The following VPS13A variants were observed in gnomAD, a reference collection of about 807,000 sequenced individuals.
The protein encoded by VPS13A is intermembrane lipid transfer protein VPS13A.
A neutral mutation model predicts 390.9 loss-of-function variants in VPS13A; 264 were observed. The ratio of observed to expected loss-of-function variants is 0.68; its 90% CI spans 0.61 to 0.75. The LOEUF (loss-of-function observed/expected upper bound fraction) is 0.75, where lower values mean the gene tolerates loss of function less well. Ranked by LOEUF, VPS13A falls within the 30% of genes least tolerant of loss-of-function variation. The pLI, the probability that VPS13A is intolerant of heterozygous loss-of-function variation, is 0.00. For missense variants in VPS13A, 3,409 were observed against 3,733.9 expected (o/e 0.91, Z 2.27); for synonymous variants, 1,231 against 1,227.1 (o/e 1.00, Z -0.07).
intron 22 of VPS13A, among the ~76,000 whole-genome samples, chr9:77,258,851 G>T (rs980750522): frequency 1.3e-4 from 20 of 152,034 alleles, no homozygotes; most frequent in African/African-American, 4.6e-4. Context: ...TTCTTGGTAA[G>T]TATGCTATAA....
At chr9:77,278,696 T>C (rs1411539899) in intron 26 of VPS13A, among the ~76,000 whole-genome samples, 1 of 152,214 alleles carries the variant, frequency 6.6e-6, no homozygotes, top group Non-Finnish European at 1.5e-5. Flanking sequence ...GGCATTTTTT[T>C]CTCAGGAATT....
At position 77,351,414 on chromosome 9, in the gene VPS13A, A is replaced by G. The variant is rs1831458800; in HGVS notation, c.7387A>G (p.Arg2463Gly). The G allele has an allele frequency of 1.9e-6, 3 of 1,613,872 alleles. No individual in the cohort carries two copies. Among genetic ancestry groups the G allele is most frequent in the East Asian group, 2.2e-5 (1 of 44,864 alleles). The change falls in exon 53 of 72, where the codon AGA (arginine) becomes GGA (glycine). Residue 2463 changes from arginine (R) to glycine (G), a missense_variant. Arg to Gly is a moderately radical substitution (Grantham distance 125, BLOSUM62 -2). This residue lies in a region of VPS13A where 2,717 missense variants were observed against 2,917.4 expected (regional missense o/e 0.93). Coordinates refer to ENST00000360280, the MANE Select transcript of VPS13A (RefSeq NM_033305.3). ...VGSRRLKWRC[R>G]KSHGEVTQKD... is the part of the protein sequence containing the mutation. ...CTCTAGAAGGCTGAAGTGGAGATGTAGAAAAAGCCATGGTGAAGTAACACA... is the reference window on the plus strand; with the variant it reads ...CTCTAGAAGGCTGAAGTGGAGATGTGGAAAAAGCCATGGTGAAGTAACACA...
intron 1 of VPS13A, among the ~76,000 whole-genome samples, chr9:77,182,437 C>T (rs1437799658): frequency 1.3e-5 from 2 of 151,802 alleles, no homozygotes; most frequent in African/African-American, 4.9e-5. Flanking sequence ...TCAGAATCAG[C>T]CATAGGTGCT....
intron 1 of VPS13A, among the ~76,000 whole-genome samples, chr9:77,181,477 T>G (rs1824011975): frequency 1.3e-5 from 2 of 148,570 alleles, no homozygotes; most frequent in South Asian, 4.2e-4. Context: ...GATCACACCA[T>G]TGCCCTCTAG....
intron 71 of VPS13A, among the ~76,000 whole-genome samples, chr9:77,410,988 C>T (rs1006981235): frequency 3.9e-5 from 6 of 152,180 alleles, no homozygotes; most frequent in Non-Finnish European, 7.3e-5. Flanking sequence ...AATATACATT[C>T]TTTTCAGCAC....
chr9:77,374,453 G>A (rs1832965331), intron 67 of VPS13A, among the ~76,000 whole-genome samples: 1 of 152,166 alleles, frequency 6.6e-6, no homozygotes, highest in Admixed American at 6.5e-5. Flanking sequence ...GATGTATAAA[G>A]CATGGATATG....
chr9:77,365,667 T>A, intron 60 of VPS13A, 94 bp downstream of exon 60: 1 of 751,438 alleles, frequency 1.3e-6, no homozygotes, highest in Non-Finnish European at 2.3e-6. Flanking sequence ...ATATAAAATC[T>A]GTAAATATAC....
intron 23 of VPS13A, among the ~76,000 whole-genome samples, chr9:77,260,512 C>T (rs971658200): frequency 9.2e-5 from 14 of 151,814 alleles, no homozygotes; most frequent in East Asian, 1.9e-4. Flanking sequence ...CCCGCCACCA[C>T]GCCCGGCTAA....
intron 42 of VPS13A, among the ~76,000 whole-genome samples, 179 bp from the exon 43 acceptor site, chr9:77,320,990 A>G (rs1167966447): frequency 1.3e-5 from 2 of 152,014 alleles, no homozygotes; most frequent in Non-Finnish European, 2.9e-5. Context: ...TTTCTCTAAT[A>G]CTTCTGTCCT....
intron 24 of VPS13A, among the ~76,000 whole-genome samples, chr9:77,274,537 G>GT (rs1309532387): frequency 1.3e-5 from 2 of 151,274 alleles, no homozygotes; most frequent in Admixed American, 6.6e-5. Flanking sequence ...TTTCTAATGT[G>GT]TTTTTTAGTT....
intron 47 of VPS13A, chr9:77,338,278 A>G (rs368105974): frequency 1.3e-5 from 2 of 152,156 alleles, no homozygotes; most frequent in African/African-American, 4.8e-5. Flanking sequence ...AGCCGTTTAC[A>G]CTTTTCTGAT....
intron 54 of VPS13A, among the ~76,000 whole-genome samples, chr9:77,356,287 CT>C (rs1468621387): frequency 6.6e-6 from 1 of 152,154 alleles, no homozygotes; most frequent in Non-Finnish European, 1.5e-5. Context: ...CAAAATCTCA[CT>C]TTCTCAATGA....
At chr9:77,380,904 G>A (rs1833392910) in intron 67 of VPS13A, among the ~76,000 whole-genome samples, 1 of 152,194 alleles carries the variant, frequency 6.6e-6, no homozygotes, top group Non-Finnish European at 1.5e-5. Context: ...ACAGGAGGTG[G>A]AGCTCAGGCA....
At chr9:77,275,739 C>A in intron 25 of VPS13A, 87 bp downstream of exon 25, 1 of 1,436,062 alleles carries the variant, frequency 7.0e-7, no homozygotes, top group Non-Finnish European at 9.7e-7. Flanking sequence ...TGTTAAGAAG[C>A]ACTATCTTTT....
rs1189940426 is a variant in VPS13A at position 77,201,243 on chromosome 9, A to G, written c.145-122A>G. On this transcript the variant is annotated intron_variant, in intron 2 of 71. Coordinates refer to ENST00000360280, the MANE Select transcript of VPS13A (RefSeq NM_033305.3). ...TATATTTAAATAAATGTTGATGATA[A>G]GGAAATGTGTAAGTTTATTAAAAAA... 4 of 662,626 alleles carry G rather than the reference A, an allele frequency of 6.0e-6. No homozygotes were observed. The Admixed American group carries it at 1.1e-4, about 17-fold the overall frequency. The allele number at this position is 662,626 out of a possible 1,614,324, so 41.0% of individuals were successfully genotyped here.
intron 38 of VPS13A, 35 bp from the exon 39 acceptor site, chr9:77,316,139 T>C: frequency 8.0e-7 from 1 of 1,254,110 alleles, no homozygotes; most frequent in Non-Finnish European, 1.1e-6. Context: ...TCATAATATA[T>C]AGCAAATATT....
intron 48 of VPS13A, 39 bp downstream of exon 48, chr9:77,339,950 T>C: frequency 6.3e-7 from 1 of 1,594,504 alleles, no homozygotes; most frequent in Non-Finnish European, 8.5e-7. Flanking sequence ...TGTCTTTAGC[T>C]ACTTGTCACT....
At chr9:77,393,623 A>G (rs1254778300) in intron 68 of VPS13A, among the ~76,000 whole-genome samples, 1 of 152,230 alleles carries the variant, frequency 6.6e-6, no homozygotes, top group African/African-American at 2.4e-5. Context: ...AAATGACATT[A>G]ATCTCGTACA....
intron 71 of VPS13A, among the ~76,000 whole-genome samples, chr9:77,411,820 A>G (rs1049575422): frequency 6.6e-6 from 1 of 152,006 alleles, no homozygotes; most frequent in African/African-American, 2.4e-5. Context: ...TTTTTTGAAA[A>G]TATCAACAAA....
Sources: gnomAD v4.1 joint callset for allele counts (sites outside exome capture counted in the v4.1 genomes callset) on GRCh38, gnomAD v4.1.1 for gene constraint, gnomAD v4.1.1 regional missense constraint, MANE v1.5 for transcripts, NCBI Gene and HGNC (gene_info 2026-07-23, HGNC 2026-07-21) for gene names.